The following FAAH2 variants were observed in gnomAD, a reference collection of about 807,000 sequenced individuals.
FAAH2 encodes the protein fatty-acid amide hydrolase 2.
FAAH2 carries 60 observed loss-of-function variants against 36.9 expected under a neutral mutation model. That is an observed-to-expected ratio of 1.63 (90% CI 1.32 to 2.02). The LOEUF is 2.02. Ranked by LOEUF, FAAH2 falls within the 30% of genes most tolerant of loss-of-function variation. FAAH2 has a pLI of 0.00. For synonymous variants in FAAH2, 214 were observed against 143.8 expected, an observed-to-expected ratio of 1.49 and a Z score of -3.49; for missense variants, 689 against 397.5, an observed-to-expected ratio of 1.73 and a Z score of -6.23.
intron 3 of FAAH2, among the ~76,000 whole-genome samples, chrX:57,324,488 C>T (rs1175739408): frequency 9.0e-6 from 1 of 111,639 alleles, no homozygotes; most frequent in African/African-American, 3.3e-5. Context: ...AATTTTCTTC[C>T]ATTTGTTTGT....
At chrX:57,465,994 G>A (rs1042962641) in intron 10 of FAAH2, among the ~76,000 whole-genome samples, 1 of 109,060 alleles carries the variant, frequency 9.2e-6, no homozygotes, top group Non-Finnish European at 1.9e-5. Flanking sequence ...ACTGGAAATG[G>A]TAAGCAGGTT....
intron 7 of FAAH2, among the ~76,000 whole-genome samples, chrX:57,386,327 C>A (rs1252258267): frequency 9.0e-6 from 1 of 111,064 alleles, no homozygotes; most frequent in Non-Finnish European, 1.9e-5. Flanking sequence ...AATAAAAACA[C>A]AAGAAATGTT....
At chrX:57,240,333 A>G in the FAAH2 span, among the ~76,000 whole-genome samples, 7 of 111,571 alleles carry the variant, frequency 6.3e-5, no homozygotes, top group South Asian at 2.6e-3. Context: ...TAATTTAACC[A>G]TGGGTAGATG....
the FAAH2 span, among the ~76,000 whole-genome samples, chrX:57,160,508 C>A: frequency 8.9e-6 from 1 of 111,787 alleles, no homozygotes; most frequent in Non-Finnish European, 1.9e-5. Flanking sequence ...ATTATTGCCT[C>A]AATTTCAGAT....
chrX:57,254,146 G>A, the FAAH2 span, among the ~76,000 whole-genome samples: 1 of 109,609 alleles, frequency 9.1e-6, no homozygotes, highest in African/African-American at 3.3e-5. Flanking sequence ...TGATAAAACA[G>A]ACTTTAAACC....
At chrX:57,272,362 C>T in the FAAH2 span, among the ~76,000 whole-genome samples, 1 of 111,153 alleles carries the variant, frequency 9.0e-6, no homozygotes, top group East Asian at 2.8e-4. Flanking sequence ...ACTTCCCCAA[C>T]CTAGAAAGAC....
chrX:57,472,759 T>C (rs2057193088), intron 10 of FAAH2, among the ~76,000 whole-genome samples: 1 of 111,407 alleles, frequency 9.0e-6, no homozygotes, highest in African/African-American at 3.3e-5. Context: ...TGAGAAGTTG[T>C]ATGTTTCCAG....
chrX:57,287,488 G>T (rs2051842905), intron 1 of FAAH2, among the ~76,000 whole-genome samples: 1 of 111,484 alleles, frequency 9.0e-6, no homozygotes, highest in Admixed American at 9.6e-5. Flanking sequence ...TAAAAGCTGC[G>T]TCTACCATAT....
At chrX:57,312,933 G>A (rs2052736114) in intron 3 of FAAH2, among the ~76,000 whole-genome samples, 1 of 111,642 alleles carries the variant, frequency 9.0e-6, no homozygotes, top group South Asian at 3.7e-4. Flanking sequence ...GGGTGTCAAT[G>A]AAACTTACTG....
chrX:57,224,041 C>A, the FAAH2 span, among the ~76,000 whole-genome samples: 4 of 111,717 alleles, frequency 3.6e-5, no homozygotes, highest in African/African-American at 9.8e-5. Flanking sequence ...CACACAACAC[C>A]AAAAGCACCC....
At chrX:57,344,215 AATG>A (rs2053762876) in intron 5 of FAAH2, among the ~76,000 whole-genome samples, 1 of 110,369 alleles carries the variant, frequency 9.1e-6, no homozygotes, top group African/African-American at 3.3e-5. Context: ...TGGCAATTTT[AATG>A]ATATTGATTC....
the FAAH2 span, among the ~76,000 whole-genome samples, chrX:57,276,098 A>AC: frequency 8.9e-6 from 1 of 111,751 alleles, no homozygotes; most frequent in Non-Finnish European, 1.9e-5. Context: ...AGAACTCTCC[A>AC]CCCCAAATCA....
chrX:57,199,583 T>C, the FAAH2 span, among the ~76,000 whole-genome samples: 1 of 111,759 alleles, frequency 8.9e-6, no homozygotes, highest in African/African-American at 3.3e-5. Flanking sequence ...TCTGTAAGTA[T>C]CTATTAGGTC....
intron 2 of FAAH2, among the ~76,000 whole-genome samples, chrX:57,303,894 G>A (rs776140808): frequency 8.0e-5 from 9 of 111,845 alleles, no homozygotes; most frequent in Middle Eastern, 9.2e-3. Flanking sequence ...TCTAGCTTCT[G>A]TTCCTATGAC....
At chrX:57,169,255 A>G in the FAAH2 span, among the ~76,000 whole-genome samples, 13 of 106,353 alleles carry the variant, frequency 1.2e-4, no homozygotes, top group Non-Finnish European at 2.3e-4. Flanking sequence ...TCATATCGGG[A>G]GATAGGGTTT....
intron 5 of FAAH2, among the ~76,000 whole-genome samples, chrX:57,366,364 C>G (rs1268183840): frequency 8.9e-6 from 1 of 112,136 alleles, no homozygotes; most frequent in Non-Finnish European, 1.9e-5. Context: ...TGAACTGGGA[C>G]CTGGCCCACA....
chrX:57,162,844 G>A, the FAAH2 span, among the ~76,000 whole-genome samples: 2 of 112,780 alleles, frequency 1.8e-5, no homozygotes, highest in African/African-American at 3.2e-5. Flanking sequence ...ATTGTCTGAA[G>A]CCTTCTTCTC....
intron 3 of FAAH2, among the ~76,000 whole-genome samples, chrX:57,329,490 T>A (rs1249683379): frequency 1.8e-5 from 2 of 110,265 alleles, no homozygotes; most frequent in Non-Finnish European, 3.8e-5. Context: ...AGTGCTGATG[T>A]GCTTTCTGCT....
chrX:57,371,319 G>T (rs919771432), intron 5 of FAAH2, among the ~76,000 whole-genome samples: 2 of 111,376 alleles, frequency 1.8e-5, no homozygotes, highest in Non-Finnish European at 3.8e-5. Context: ...ACAATGTTTA[G>T]CTCCCACTTG....
Sources: allele counts gnomAD v4.1 joint callset (sites outside exome capture counted in the v4.1 genomes callset), GRCh38; gene constraint gnomAD v4.1.1; transcripts MANE v1.5; gene names NCBI Gene and HGNC (gene_info 2026-07-23, HGNC 2026-07-21).